Variants in MLPH observed in about 807,000 individuals in gnomAD.
The protein encoded by MLPH is exophilin-3.
MLPH carries 51 observed loss-of-function variants against 72.1 expected under a neutral mutation model. The ratio of observed to expected loss-of-function variants is 0.71; its 90% CI spans 0.56 to 0.89. MLPH has a LOEUF of 0.89. Ranked by LOEUF, MLPH falls within the 40% of genes least tolerant of loss-of-function variation. The pLI, the probability that MLPH is intolerant of heterozygous loss-of-function variation, is 0.00. For missense variants in MLPH, 743 were observed against 759.9 expected (o/e 0.98, Z 0.26); for synonymous variants, 301 against 310.1 (o/e 0.97, Z 0.31).
At chr2:237,552,616 A>C (rs1049913014) in intron 15 of MLPH, among the ~76,000 whole-genome samples, 179 bp downstream of exon 15, 2 of 152,248 alleles carry the variant, frequency 1.3e-5, no homozygotes, top group African/African-American at 4.8e-5. Context: ...GAAAATCTAA[A>C]TACTTTGAAA....
At chr2:237,533,597 G>A (rs971431638) in intron 8 of MLPH, among the ~76,000 whole-genome samples, 3 of 152,102 alleles carry the variant, frequency 2.0e-5, no homozygotes, top group Non-Finnish European at 4.4e-5. Context: ...TCGCCATGTT[G>A]GCCAGGCTGG....
At chr2:237,529,122 A>G (rs2080366811) in intron 8 of MLPH, among the ~76,000 whole-genome samples, 2 of 152,126 alleles carry the variant, frequency 1.3e-5, no homozygotes, top group South Asian at 4.1e-4. Context: ...GGCTCACTGC[A>G]AGCTCCGCCT....
chr2:237,542,188 G>T (rs995644980), intron 11 of MLPH, among the ~76,000 whole-genome samples: 1 of 152,046 alleles, frequency 6.6e-6, no homozygotes, highest in Non-Finnish European at 1.5e-5. Context: ...TGGAATGGGG[G>T]CCAGGCAAGG....
chr2:237,493,540 A>C lies in MLPH; in HGVS notation c.110+4A>C. ...GGAAAGAAGAGGAACGGCTAGAGTGAGTGTGCCGTGCTGAGCCCACGGAGC... is the reference window on the plus strand; with the variant it reads ...GGAAAGAAGAGGAACGGCTAGAGTGCGTGTGCCGTGCTGAGCCCACGGAGC... On this transcript the variant is annotated splice_donor_region_variant and intron_variant, in intron 2 of 15. Coordinates refer to ENST00000264605, the MANE Select transcript of MLPH (RefSeq NM_024101.7). 6.2e-7 allele frequency: 1 copy of C among 1,610,980 alleles called. No homozygotes were observed. Among genetic ancestry groups the C allele is most frequent in the South Asian group, 1.1e-5 (1 of 91,012 alleles).
intron 13 of MLPH, among the ~76,000 whole-genome samples, chr2:237,548,519 G>C (rs191567029): frequency 1.3e-5 from 2 of 152,216 alleles, no homozygotes; most frequent in African/African-American, 4.8e-5. Context: ...CAGTATCCCT[G>C]TAAAGAGAGC....
chr2:237,486,575 G>T (rs548310224), upstream of MLPH: 1 of 152,204 alleles, frequency 6.6e-6, no homozygotes, highest in Non-Finnish European at 1.5e-5. Context: ...GCGCGTCCTC[G>T]GTCCTGGAAC....
chr2:237,510,630 C>T lies in MLPH; in HGVS notation c.167C>T (p.Thr56Ile). 6.2e-7 allele frequency: 1 copy of T among 1,613,760 alleles called. No homozygotes were observed. Among genetic ancestry groups the T allele is most frequent in the South Asian group, 1.1e-5 (1 of 91,086 alleles). Residue 56 changes from threonine to isoleucine, a missense_variant, in exon 3 of 16, where the codon ACT (threonine) becomes ATT (isoleucine). Thr to Ile is a moderately conservative substitution (Grantham distance 89). Transcript: ENST00000264605. The surrounding 1 kb of genome is among the most constrained non-coding windows in gnomAD (Gnocchi z 4.4). Reference sequence around the variant, plus strand: ...TCCAAGAGGGAGCTGCTTTCCGACACTGCCCATCTGAACGAGACCCACTGC... The same window carrying T: ...TCCAAGAGGGAGCTGCTTTCCGACATTGCCCATCTGAACGAGACCCACTGC... ...ESSKRELLSD[T>I]AHLNETHCAR...
Position 237,494,389 on chromosome 2 carries a change from G to C in MLPH, c.110+853G>C, listed in dbSNP as rs188012037. On this transcript the variant is annotated intron_variant, in intron 2 of 15. Transcript: ENST00000264605. ...GAGGGGGCCAGGAAGAGAGGCAGTT[G>C]GAGATGTAACAGGTGGGGGGCATGG... is the stretch of plus-strand genomic sequence containing the variant. Among the ~76,000 whole-genome samples the C allele has an allele frequency of 6.0e-3, 917 of 152,170 alleles. 14 individuals carry two copies. Among genetic ancestry groups the C allele is most frequent in the African/African-American group, 0.021 (878 of 41,484 alleles).
At chr2:237,486,899 G>C (rs2079327116), upstream of MLPH, among the ~76,000 whole-genome samples, 1 of 152,202 alleles carries the variant, frequency 6.6e-6, no homozygotes, top group South Asian at 2.1e-4. Context: ...TGCAGAGTTA[G>C]AAATTTCGAC....
chr2:237,520,017 G>A lies in MLPH; in HGVS notation c.663G>A (p.Arg221=). 1 of 1,613,888 alleles carries A rather than the reference G, an allele frequency of 6.2e-7. No homozygotes were observed. The highest frequency in any genetic ancestry group is 2.2e-5 in the East Asian group (1 of 44,864). ...SLHLSSVPEA[R]DSPQSLTDES... ...ACCTGTCCTCAGTCCCTGAGGCCAG[G>A]GACAGCCCACAGGTCAGTGGGTCCT... The change falls in exon 6 of 16, where the codon AGG becomes AGA. Residue 221 remains arginine (R), a synonymous_variant. Transcript: ENST00000264605.
At chr2:237,548,164 G>A (rs1243561984) in intron 13 of MLPH, among the ~76,000 whole-genome samples, 2 of 152,216 alleles carry the variant, frequency 1.3e-5, no homozygotes, top group Non-Finnish European at 2.9e-5. Flanking sequence ...CAGACAGGAA[G>A]TGACAGCGGG....
intron 9 of MLPH, among the ~76,000 whole-genome samples, chr2:237,536,211 G>T (rs2080527444): frequency 6.6e-6 from 1 of 152,094 alleles, no homozygotes; most frequent in Non-Finnish European, 1.5e-5. Context: ...AGACCCCAAG[G>T]GCTACCCCTG....
At position 237,546,530 on chromosome 2, in the gene MLPH, C is replaced by T. The variant is rs892939124; in HGVS notation, c.1540-76C>T. The T allele has an allele frequency of 1.3e-5, 16 of 1,276,108 alleles. No homozygotes were observed. In the African/African-American group the frequency reaches 2.2e-4, roughly 18 times the overall value. The allele number at this position is 1,276,108 out of a possible 1,614,324, so 79.0% of individuals were successfully genotyped here. The stretch of plus-strand genomic sequence containing the variant: ...GTATAGAGAGCATCCATCCTTACAT[C>T]CAGCTGACCCATGCCCATGCTCCTC... On this transcript the variant is annotated intron_variant, in intron 12 of 15. Transcript: ENST00000264605.
chr2:237,519,868 C>A, intron 5 of MLPH, 42 bp from the exon 6 acceptor site: 1 of 1,613,774 alleles, frequency 6.2e-7, no homozygotes, highest in Non-Finnish European at 8.5e-7. Flanking sequence ...CTCCCTCAAG[C>A]TAGCCCTGAC....
intron 2 of MLPH, among the ~76,000 whole-genome samples, chr2:237,494,877 C>T (rs937911955): frequency 2.0e-5 from 3 of 152,224 alleles, no homozygotes; most frequent in Non-Finnish European, 2.9e-5. Flanking sequence ...ATTTCTGGGA[C>T]TGCTGCATAT....
chr2:237,520,658 G>A (rs986715948), intron 6 of MLPH, among the ~76,000 whole-genome samples: 4 of 152,176 alleles, frequency 2.6e-5, no homozygotes, highest in East Asian at 3.8e-4. Flanking sequence ...TGTTGCAATT[G>A]AAATTACTCA....
chr2:237,491,744 T>C (rs2079432904), intron 1 of MLPH, among the ~76,000 whole-genome samples: 1 of 152,186 alleles, frequency 6.6e-6, no homozygotes, highest in African/African-American at 2.4e-5. Flanking sequence ...TCCAATTTTA[T>C]ACCCAGCAGT....
At position 237,492,724 on chromosome 2, in the gene MLPH, G is replaced by A. The variant is rs570802985; in HGVS notation, c.-24-679G>A. Among the ~76,000 whole-genome samples, 68 of 152,166 alleles carry A rather than the reference G, an allele frequency of 4.5e-4. No individual in the cohort carries two copies. The South Asian group carries it at 1.0e-2, about 22-fold the overall frequency. The stretch of plus-strand genomic sequence containing the variant: ...TGGATATTCCCAGCACAAGCACATC[G>A]CCCTCACAGGCATCAGGCTCATATG... On this transcript the variant is annotated intron_variant, in intron 1 of 15. Coordinates refer to ENST00000264605, the MANE Select transcript of MLPH (RefSeq NM_024101.7).
intron 5 of MLPH, 95 bp from the exon 6 acceptor site, chr2:237,519,815 G>A: frequency 1.3e-6 from 2 of 1,587,592 alleles, no homozygotes; most frequent in Non-Finnish European, 1.7e-6. Flanking sequence ...CGCCCCTCTG[G>A]GGGCTGAGTG....
Sources: gnomAD v4.1 joint callset for allele counts (sites outside exome capture counted in the v4.1 genomes callset) on GRCh38, gnomAD v4.1.1 for gene constraint, Gnocchi (gnomAD v3.1) non-coding constraint, MANE v1.5 for transcripts, NCBI Gene and HGNC (gene_info 2026-07-23, HGNC 2026-07-21) for gene names.